TAS2R1: variants seen among roughly 807,000 people sequenced by gnomAD.
The protein encoded by TAS2R1 is taste receptor type 2 member 1.
For synonymous variants in TAS2R1, 141 were observed against 134.2 expected (o/e 1.05, Z -0.35); for missense variants, 370 against 353.4 (o/e 1.05, Z -0.38).
intron 1 of TAS2R1, among the ~76,000 whole-genome samples, chr5:9,682,976 C>A (rs1398922527): frequency 6.6e-6 from 1 of 152,106 alleles, no homozygotes; most frequent in Non-Finnish European, 1.5e-5. Context: ...CTCTAAGCAA[C>A]CAACAGTGAT....
the TAS2R1 span, among the ~76,000 whole-genome samples, chr5:9,874,530 G>A: frequency 4.6e-5 from 7 of 152,166 alleles, no homozygotes; most frequent in East Asian, 3.9e-4. Context: ...CTGGGTAAGA[G>A]TGGAATCCCA....
the TAS2R1 span, chr5:9,765,388 T>C: frequency 1.3e-5 from 2 of 151,780 alleles, no homozygotes; most frequent in South Asian, 4.2e-4. Flanking sequence ...AATAATTTAA[T>C]CCAAATAATA....
chr5:9,796,720 G>GAAA, the TAS2R1 span, among the ~76,000 whole-genome samples: 22 of 77,308 alleles, frequency 2.8e-4, no homozygotes, highest in African/African-American at 9.2e-4. Context: ...GCTATTTTCT[G>GAAA]GAAAAAAAAA....
chr5:9,705,854 C>T (rs1239066085), intron 1 of TAS2R1, among the ~76,000 whole-genome samples: 1 of 145,778 alleles, frequency 6.9e-6, no homozygotes, highest in Non-Finnish European at 1.5e-5. Flanking sequence ...AAGAGTGAAA[C>T]TCCATCCCCC....
chr5:9,714,464 C>T (rs142447294), upstream of TAS2R1, among the ~76,000 whole-genome samples: 454 of 152,300 alleles, frequency 3.0e-3, 3 homozygotes, highest in African/African-American at 0.01. Context: ...GCCAGTGCTA[C>T]ACCATATCCA....
At chr5:9,637,727 T>A (rs936438184) in intron 2 of TAS2R1, among the ~76,000 whole-genome samples, 3 of 152,192 alleles carry the variant, frequency 2.0e-5, no homozygotes, top group Non-Finnish European at 4.4e-5. Context: ...ATATTTAAAA[T>A]TTTCCAGTGC....
At chr5:9,725,557 GGGCA>G in the TAS2R1 span, among the ~76,000 whole-genome samples, 2 of 152,178 alleles carry the variant, frequency 1.3e-5, no homozygotes, top group African/African-American at 4.8e-5. Flanking sequence ...CCTCCCCACG[GGGCA>G]GGGCTCGGGA....
chr5:9,898,731 A>C, the TAS2R1 span, among the ~76,000 whole-genome samples: 23 of 152,174 alleles, frequency 1.5e-4, no homozygotes, highest in Non-Finnish European at 3.2e-4. Context: ...AGAGCCCTAG[A>C]TGAAGGGCAA....
chr5:9,856,495 G>T, the TAS2R1 span, among the ~76,000 whole-genome samples: 1 of 152,192 alleles, frequency 6.6e-6, no homozygotes, highest in East Asian at 1.9e-4. Flanking sequence ...GTCTGGAGTA[G>T]GTATTAAAGG....
chr5:9,638,003 C>T (rs987750685), intron 2 of TAS2R1, among the ~76,000 whole-genome samples: 4 of 152,118 alleles, frequency 2.6e-5, no homozygotes. Context: ...CAGAAACCTG[C>T]TTGTCATCTT....
the TAS2R1 span, among the ~76,000 whole-genome samples, chr5:9,770,065 T>C: frequency 4.1e-4 from 62 of 152,338 alleles, no homozygotes; most frequent in African/African-American, 1.3e-3. Context: ...AATTTAAGTC[T>C]TTAATCCATT....
the TAS2R1 span, among the ~76,000 whole-genome samples, chr5:9,740,238 G>A: frequency 2.0e-5 from 3 of 152,116 alleles, no homozygotes; most frequent in Non-Finnish European, 4.4e-5. Context: ...TCACTTATTT[G>A]ACCATTAAAC....
At chr5:9,674,011 C>A (rs17332331) in intron 1 of TAS2R1, among the ~76,000 whole-genome samples, 1 of 152,156 alleles carries the variant, frequency 6.6e-6, no homozygotes, top group South Asian at 2.1e-4. Context: ...TTTTTTCATG[C>A]GCTTCTGAGA....
chr5:9,800,167 A>C, the TAS2R1 span, among the ~76,000 whole-genome samples: 103 of 152,236 alleles, frequency 6.8e-4, no homozygotes, highest in Non-Finnish European at 1.2e-3. Flanking sequence ...TGGGTATGCT[A>C]GTGGATAGAG....
the TAS2R1 span, among the ~76,000 whole-genome samples, chr5:9,805,468 C>T: frequency 6.6e-6 from 1 of 151,982 alleles, no homozygotes; most frequent in African/African-American, 2.4e-5. Flanking sequence ...AGACCCATAT[C>T]CCTGAAGAAC....
chr5:9,648,107 T>C (rs1740230740), intron 2 of TAS2R1, among the ~76,000 whole-genome samples: 1 of 152,110 alleles, frequency 6.6e-6, no homozygotes. Context: ...TTCTTTGATC[T>C]AAAATGGAGA....
chr5:9,808,680 T>G, the TAS2R1 span, among the ~76,000 whole-genome samples: 1 of 151,982 alleles, frequency 6.6e-6, no homozygotes, highest in African/African-American at 2.4e-5. Context: ...TGAGACAGAA[T>G]GAAGGCTGCA....
intron 2 of TAS2R1, among the ~76,000 whole-genome samples, chr5:9,640,436 G>C (rs1740047319): frequency 7.2e-6 from 1 of 138,204 alleles, no homozygotes; most frequent in Admixed American, 7.5e-5. Flanking sequence ...AGCACAAGCT[G>C]TTGGAAAAAT....
At chr5:9,675,907 C>T (rs529543789) in intron 1 of TAS2R1, among the ~76,000 whole-genome samples, 20 of 152,196 alleles carry the variant, frequency 1.3e-4, no homozygotes, top group South Asian at 1.2e-3. Context: ...TTAAGTGGTA[C>T]GAGTGGGAAT....
Sources: allele counts gnomAD v4.1 joint callset (sites outside exome capture counted in the v4.1 genomes callset), GRCh38; gene constraint gnomAD v4.1.1; transcripts MANE v1.5; gene names NCBI Gene and HGNC (gene_info 2026-07-23, HGNC 2026-07-21).